The following RABGAP1L variants were observed in gnomAD, a reference collection of about 807,000 sequenced individuals.
RABGAP1L encodes RAB GTPase activating protein 1 like.
Under a neutral mutation model 137.7 loss-of-function variants are expected in RABGAP1L, and 63 were observed. The ratio of observed to expected loss-of-function variants is 0.46; its 90% CI spans 0.37 to 0.56. The LOEUF is 0.56. Among genes scored for constraint, RABGAP1L ranks in the 20% least tolerant of loss-of-function variants. RABGAP1L has a pLI of 0.00. For synonymous variants in RABGAP1L, 431 were observed against 433.7 expected (o/e 0.99, Z 0.08); for missense variants, 1,095 against 1,244.0 (o/e 0.88, Z 1.80).
At chr1:174,842,171 C>T (rs1425787262) in intron 19 of RABGAP1L, among the ~76,000 whole-genome samples, 2 of 152,138 alleles carry the variant, frequency 1.3e-5, no homozygotes, top group African/African-American at 4.8e-5. Context: ...TCCACTTAGT[C>T]CATTTTTCTG....
chr1:174,263,764 A>G (rs993912027), intron 7 of RABGAP1L, among the ~76,000 whole-genome samples: 17 of 150,878 alleles, frequency 1.1e-4, no homozygotes, highest in Non-Finnish European at 2.5e-4. Context: ...TTGCCTTGCT[A>G]TGAGATCTAG....
intron 13 of RABGAP1L, among the ~76,000 whole-genome samples, chr1:174,454,021 T>A (rs1357144762): frequency 6.6e-6 from 1 of 152,072 alleles, no homozygotes; most frequent in Non-Finnish European, 1.5e-5. Context: ...TCCCAGCACT[T>A]TGGGAGGCCG....
At chr1:174,604,430 G>A (rs146131342) in intron 13 of RABGAP1L, among the ~76,000 whole-genome samples, 1 of 152,330 alleles carries the variant, frequency 6.6e-6, no homozygotes, top group Admixed American at 6.5e-5. Context: ...TAGAGGTGAT[G>A]TTGTTGGCAA....
chr1:174,555,875 A>G (rs1169784155), intron 13 of RABGAP1L, among the ~76,000 whole-genome samples: 1 of 152,060 alleles, frequency 6.6e-6, no homozygotes, highest in Non-Finnish European at 1.5e-5. Context: ...TTGGAGTGCA[A>G]AGTTCATCAC....
chr1:174,351,177 C>G (rs1356767771), intron 11 of RABGAP1L, among the ~76,000 whole-genome samples: 1 of 151,584 alleles, frequency 6.6e-6, no homozygotes, highest in East Asian at 1.9e-4. Flanking sequence ...GTTCATCTTT[C>G]TACCCAAAAT....
chr1:174,583,896 A>G (rs1445205844), intron 13 of RABGAP1L, among the ~76,000 whole-genome samples: 1 of 152,200 alleles, frequency 6.6e-6, no homozygotes, highest in African/African-American at 2.4e-5. Flanking sequence ...TAGCATCACA[A>G]TTGTGGTGGG....
At chr1:174,658,408 T>C (rs1676119227) in intron 14 of RABGAP1L, among the ~76,000 whole-genome samples, 1 of 152,170 alleles carries the variant, frequency 6.6e-6, no homozygotes, top group Non-Finnish European at 1.5e-5. Context: ...AGCAGAAGAT[T>C]AATCTAGTGT....
At chr1:174,187,061 C>T (rs997846307) in intron 1 of RABGAP1L, among the ~76,000 whole-genome samples, 52 of 152,284 alleles carry the variant, frequency 3.4e-4, no homozygotes, top group Non-Finnish European at 4.9e-4. Context: ...CTTGCCTCAG[C>T]GCCTTTCCAC....
intron 14 of RABGAP1L, among the ~76,000 whole-genome samples, chr1:174,670,380 C>T (rs1677086399): frequency 6.6e-6 from 1 of 152,206 alleles, no homozygotes; most frequent in South Asian, 2.1e-4. Context: ...AGCATTTATA[C>T]TTTGTGTTGT....
At chr1:174,614,532 T>C (rs1309794838) in intron 13 of RABGAP1L, among the ~76,000 whole-genome samples, 1 of 152,214 alleles carries the variant, frequency 6.6e-6, no homozygotes, top group Non-Finnish European at 1.5e-5. Flanking sequence ...ATTTCAGCTT[T>C]GGTGAATCTG....
In RABGAP1L at chr1:174,366,893, C is replaced by T. The variant is rs573082021; in HGVS notation, c.1466-4086C>T. ...CAAACAGATAATGGTTCTGCCTGAG[C>T]CATTTGTGAAGTCTAAGAACAGTTA... On this transcript the variant is annotated intron_variant, in intron 11 of 25. Transcript: ENST00000681986. Among the ~76,000 whole-genome samples the T allele has an allele frequency of 3.3e-5, 5 of 151,932 alleles. No individual in the cohort carries two copies. In the East Asian group the frequency reaches 5.8e-4, roughly 18 times the overall value.
intron 19 of RABGAP1L, among the ~76,000 whole-genome samples, chr1:174,905,781 G>A (rs1022093835): frequency 2.6e-5 from 4 of 152,070 alleles, no homozygotes; most frequent in Non-Finnish European, 5.9e-5. Flanking sequence ...ACCCCACAAG[G>A]TGGAGGTTGT....
chr1:174,990,141 G>A lies in RABGAP1L; in HGVS notation c.*140G>A, dbSNP rs10912864. Reference sequence around the variant, plus strand: ...TTTTCAGTAGCTCTCACTCTTTCTTGTATGACACTTTTCAAAGGGATGCTA... The same window carrying A: ...TTTTCAGTAGCTCTCACTCTTTCTTATATGACACTTTTCAAAGGGATGCTA... On this transcript the variant is annotated 3_prime_UTR_variant, in exon 26 of 26. Coordinates refer to ENST00000681986, the MANE Select transcript of RABGAP1L (RefSeq NM_001366446.1). 0.011 allele frequency: 11,792 copies of A among 1,092,236 alleles called. 888 individuals carry two copies. In the African/African-American group the frequency reaches 0.16, roughly 15 times the overall value. 67.7% of individuals were successfully genotyped at this position (1,092,236 alleles called of 1,614,324 possible). A position where few individuals can be genotyped will look rare whatever the true frequency, so the allele number is the denominator to read the frequency against.
intron 13 of RABGAP1L, among the ~76,000 whole-genome samples, chr1:174,530,791 A>G (rs1477594688): frequency 1.3e-5 from 1 of 75,190 alleles, no homozygotes; most frequent in East Asian, 4.1e-4. Context: ...CAAGATTTTT[A>G]TACATACATA....
At chr1:174,228,420 G>A (rs956011285) in intron 3 of RABGAP1L, among the ~76,000 whole-genome samples, 8 of 151,964 alleles carry the variant, frequency 5.3e-5, no homozygotes, top group African/African-American at 9.7e-5. Context: ...CTTGAACTAC[G>A]TAATCACCCA....
intron 19 of RABGAP1L, among the ~76,000 whole-genome samples, chr1:174,925,890 T>TG (rs1553282909): frequency 0.14 from 11,948 of 86,410 alleles, 564 homozygotes; most frequent in South Asian, 0.26. Context: ...TTTTTTTGTG[T>TG]TTTTTTTTTT....
At chr1:174,478,815 C>G (rs1039717570) in intron 13 of RABGAP1L, among the ~76,000 whole-genome samples, 2 of 152,120 alleles carry the variant, frequency 1.3e-5, no homozygotes, top group African/African-American at 4.8e-5. Context: ...CAATTGTATT[C>G]TGAGTAACTT....
chr1:174,855,359 T>C (rs940515085), intron 19 of RABGAP1L, among the ~76,000 whole-genome samples: 2 of 152,152 alleles, frequency 1.3e-5, no homozygotes, highest in Non-Finnish European at 1.5e-5. Flanking sequence ...CCCACCTTAT[T>C]TAGCTCCAAG....
At chr1:174,675,719 T>G (rs934955932) in intron 14 of RABGAP1L, among the ~76,000 whole-genome samples, 16 of 152,204 alleles carry the variant, frequency 1.1e-4, no homozygotes, top group Admixed American at 1.0e-3. Context: ...TACCTGGTTC[T>G]TAGATGTCAT....
Sources: gnomAD v4.1 joint callset for allele counts (sites outside exome capture counted in the v4.1 genomes callset) on GRCh38, gnomAD v4.1.1 for gene constraint, MANE v1.5 for transcripts, NCBI Gene and HGNC (gene_info 2026-07-23, HGNC 2026-07-21) for gene names.